WWP2: variants seen among roughly 807,000 people sequenced by gnomAD.
WWP2 encodes NEDD4-like E3 ubiquitin-protein ligase WWP2.
A neutral mutation model predicts 121.0 loss-of-function variants in WWP2; 57 were observed. That is an observed-to-expected ratio of 0.47 (90% confidence interval 0.38 to 0.59). The LOEUF (loss-of-function observed/expected upper bound fraction) is 0.59. Among genes scored for constraint, WWP2 ranks in the 20% least tolerant of loss-of-function variants. WWP2 has a pLI of 0.00. For missense variants in WWP2, 962 were observed against 1,158.9 expected, an observed-to-expected ratio of 0.83 and a Z score of 2.47; for synonymous variants, 449 against 441.3, an observed-to-expected ratio of 1.02 and a Z score of -0.22.
At chr16:69,848,061 A>C (rs1193813142) in intron 6 of WWP2, among the ~76,000 whole-genome samples, 1 of 152,208 alleles carries the variant, frequency 6.6e-6, no homozygotes, top group Non-Finnish European at 1.5e-5. Context: ...ATGGAACAAC[A>C]ACAACAAAAT....
chr16:69,924,335 C>T (rs1321416282), intron 10 of WWP2, among the ~76,000 whole-genome samples: 4 of 152,198 alleles, frequency 2.6e-5, no homozygotes. Flanking sequence ...TCCGGCACCC[C>T]TAGACGGGGC....
intron 6 of WWP2, among the ~76,000 whole-genome samples, chr16:69,857,295 C>T (rs1451509715): frequency 2.6e-5 from 4 of 152,066 alleles, no homozygotes; most frequent in African/African-American, 9.7e-5. Context: ...GGGGTTTCAC[C>T]TGTTGGCCAG....
chr16:69,864,443 CCAAA>C (rs1202514695), intron 6 of WWP2, among the ~76,000 whole-genome samples: 2 of 152,132 alleles, frequency 1.3e-5, no homozygotes, highest in Non-Finnish European at 2.9e-5. Flanking sequence ...TAAGAAACTG[CCAAA>C]CAGTTTACAA....
chr16:69,896,625 T>C (rs1043478347), intron 8 of WWP2, among the ~76,000 whole-genome samples: 5 of 151,834 alleles, frequency 3.3e-5, no homozygotes, highest in African/African-American at 1.2e-4. Flanking sequence ...GATGGAAAAT[T>C]AGAAAAAAAT....
At chr16:69,894,300 C>G (rs1389095449) in intron 8 of WWP2, among the ~76,000 whole-genome samples, 1 of 150,348 alleles carries the variant, frequency 6.7e-6, no homozygotes, top group Non-Finnish European at 1.5e-5. Context: ...ATGCGGATCT[C>G]AAACTCCTGG....
Position 69,769,108 on chromosome 16 carries a change from G to C in WWP2, c.-16+6717G>C, listed in dbSNP as rs543042793. 2.0e-5 allele frequency among the ~76,000 whole-genome samples: 3 copies of C among 152,238 alleles called. No homozygotes were observed. The South Asian group carries it at 6.2e-4, about 32-fold the overall frequency. On this transcript the variant is annotated intron_variant, in intron 1 of 23. Transcript: ENST00000359154. The stretch of plus-strand genomic sequence containing the variant: ...CCAAGGCGGGTGGATCATGAGGTCA[G>C]GAGATCGAGACCATCCTGGCTAACG...
chr16:69,923,312 T>TC (rs1555504292), intron 10 of WWP2, among the ~76,000 whole-genome samples: 1 of 3,828 alleles, frequency 2.6e-4, no homozygotes, highest in Admixed American at 3.4e-3. Flanking sequence ...GTGTGTGTGT[T>TC]GGGGGGGTGG....
At chr16:69,877,804 T>C (rs2057759313) in intron 7 of WWP2, among the ~76,000 whole-genome samples, 1 of 151,980 alleles carries the variant, frequency 6.6e-6, no homozygotes, top group African/African-American at 2.4e-5. Flanking sequence ...AAATTTGCTT[T>C]TTATTTATTT....
At chr16:69,801,929 T>C (rs1424577973) in intron 4 of WWP2, among the ~76,000 whole-genome samples, 1 of 151,864 alleles carries the variant, frequency 6.6e-6, no homozygotes, top group African/African-American at 2.4e-5. Context: ...TTTATTTTTA[T>C]TTATTTATTT....
At chr16:69,832,121 G>A (rs575547427) in intron 4 of WWP2, among the ~76,000 whole-genome samples, 377 of 152,202 alleles carry the variant, frequency 2.5e-3, no homozygotes, top group Middle Eastern at 6.8e-3. Context: ...GAGCCACTGC[G>A]CCCTGCCTTC....
intron 4 of WWP2, among the ~76,000 whole-genome samples, chr16:69,813,894 G>A (rs1484353060): frequency 6.6e-6 from 1 of 152,240 alleles, no homozygotes; most frequent in East Asian, 1.9e-4. Flanking sequence ...TCCAATATAG[G>A]TAAAATTTAC....
At chr16:69,938,908 A>T in intron 21 of WWP2, 119 bp from the exon 22 acceptor site, 6 of 850,070 alleles carry the variant, frequency 7.1e-6, no homozygotes, top group Non-Finnish European at 1.1e-5. Flanking sequence ...CCCCTGGCCA[A>T]CCTGGCTTTG....
chr16:69,830,548 G>T (rs1192996850), intron 4 of WWP2, among the ~76,000 whole-genome samples: 1 of 152,164 alleles, frequency 6.6e-6, no homozygotes, highest in African/African-American at 2.4e-5. Flanking sequence ...AGCGGTAGTA[G>T]CCCAAAGAAG....
At chr16:69,907,280 G>A (rs1463455871) in intron 8 of WWP2, among the ~76,000 whole-genome samples, 2 of 152,150 alleles carry the variant, frequency 1.3e-5, no homozygotes, top group Non-Finnish European at 2.9e-5. Flanking sequence ...AGGTTTAGCT[G>A]GGGGAAGTCT....
At chr16:69,894,723 G>GT (rs1242560935) in intron 8 of WWP2, among the ~76,000 whole-genome samples, 3 of 152,136 alleles carry the variant, frequency 2.0e-5, no homozygotes, top group African/African-American at 7.2e-5. Flanking sequence ...CCCTGTATCT[G>GT]TTTTTTCTCA....
intron 1 of WWP2, among the ~76,000 whole-genome samples, chr16:69,784,532 C>A (rs925315764): frequency 2.0e-5 from 3 of 152,174 alleles, no homozygotes; most frequent in Admixed American, 6.5e-5. Context: ...GTCATGGTAT[C>A]CTTCACCACA....
intron 1 of WWP2, among the ~76,000 whole-genome samples, chr16:69,784,094 T>TC (rs201824922): frequency 4.0e-4 from 34 of 84,258 alleles, no homozygotes; most frequent in Admixed American, 1.1e-3. Context: ...TTTCTTTCTT[T>TC]TTTTTTTTTT....
chr16:69,897,876 C>G (rs1262291321), intron 8 of WWP2, among the ~76,000 whole-genome samples: 2 of 151,860 alleles, frequency 1.3e-5, no homozygotes, highest in African/African-American at 4.8e-5. Context: ...CCACTGCACT[C>G]TAGCCTGGGC....
rs2058857245 is a variant in WWP2 at position 69,939,937 on chromosome 16, G to A, written c.2610G>A (p.Glu870=). ...AGGAGACCGAGGGCTTTGGACAGGA[G>A]TAACCGAGGCCGCCCCTCCCACGCC... ...AIEETEGFGQ[E] Residue 870 remains glutamate (E), a synonymous_variant, in exon 24 of 24, where the codon GAG becomes GAA. Coordinates refer to ENST00000359154, the MANE Select transcript of WWP2 (RefSeq NM_001270454.2). 1 of 1,613,092 alleles carries A rather than the reference G, an allele frequency of 6.2e-7. No homozygotes were observed. Among genetic ancestry groups the A allele is most frequent in the East Asian group, 2.2e-5 (1 of 44,862 alleles).
Sources: gnomAD v4.1 joint callset for allele counts (sites outside exome capture counted in the v4.1 genomes callset) on GRCh38, gnomAD v4.1.1 for gene constraint, MANE v1.5 for transcripts, NCBI Gene and HGNC (gene_info 2026-07-23, HGNC 2026-07-21) for gene names.